Variants in SRGAP2 observed in about 807,000 individuals in gnomAD.
SRGAP2 encodes SLIT-ROBO Rho GTPase activating protein 2.
SRGAP2 carries 15 observed loss-of-function variants against 57.2 expected under a neutral mutation model. The observed-to-expected ratio is 0.26, with a 90% CI of 0.18 to 0.40. The LOEUF is 0.40. Among genes scored for constraint, SRGAP2 ranks in the 10% least tolerant of loss-of-function variants. The pLI, the probability that SRGAP2 is intolerant of heterozygous loss-of-function variation, is 1.00. For synonymous variants in SRGAP2, 249 were observed against 248.0 expected, an observed-to-expected ratio of 1.00 and a Z score of -0.04; for missense variants, 520 against 669.6, an observed-to-expected ratio of 0.78 and a Z score of 2.47.
intron 5 of SRGAP2, among the ~76,000 whole-genome samples, chr1:206,384,994 TC>T (rs1322123831): frequency 1.3e-5 from 2 of 148,992 alleles, no homozygotes; most frequent in Non-Finnish European, 3.0e-5. Flanking sequence ...TTTTTTCTTT[TC>T]TTTTCTTCCT....
chr1:206,278,880 G>T (rs1670568222), intron 2 of SRGAP2, among the ~76,000 whole-genome samples: 1 of 149,100 alleles, frequency 6.7e-6, no homozygotes, highest in Non-Finnish European at 1.5e-5. Context: ...CACTGTGGCT[G>T]AAGCAGAGTG....
At chr1:206,303,671 T>A (rs1358216947) in intron 3 of SRGAP2, among the ~76,000 whole-genome samples, 198 bp downstream of exon 3, 10 of 152,218 alleles carry the variant, frequency 6.6e-5, no homozygotes, top group Admixed American at 2.0e-4. Flanking sequence ...GAGTAGATGA[T>A]GAACCATGCT....
intron 10 of SRGAP2, among the ~76,000 whole-genome samples, chr1:206,409,611 G>A (rs1331566039): frequency 6.6e-6 from 1 of 151,974 alleles, no homozygotes; most frequent in Non-Finnish European, 1.5e-5. Flanking sequence ...GTGAAACCCT[G>A]TCTCTACTAA....
At chr1:206,398,784 G>A (rs1657865142) in intron 7 of SRGAP2, among the ~76,000 whole-genome samples, 1 of 152,232 alleles carries the variant, frequency 6.6e-6, no homozygotes, top group Non-Finnish European at 1.5e-5. Flanking sequence ...AGATTAGTGT[G>A]TTTCTAAGTA....
rs1291347041 is a variant in SRGAP2 at position 206,318,738 on chromosome 1, G to A, written c.260+15265G>A. Among the ~76,000 whole-genome samples the A allele has an allele frequency of 7.9e-5, 12 of 152,040 alleles. 1 individual carries two copies. The highest frequency in any genetic ancestry group is 2.9e-4 in the African/African-American group (12 of 41,342). ...CATGGTGAGAGTGGGAGTGAGAGTC[G>A]GGGGAGGTCCCAGACTTTTGAACAA... On this transcript the variant is annotated intron_variant, in intron 3 of 22. Transcript: ENST00000573034.
At chr1:206,455,237 G>A in intron 21 of SRGAP2, 1 of 598,750 alleles carries the variant, frequency 1.7e-6, no homozygotes, top group South Asian at 1.9e-5. Context: ...CCAGCTAGCT[G>A]CCCTCGTGCT....
At chr1:206,311,457 A>C (rs1279883810) in intron 3 of SRGAP2, among the ~76,000 whole-genome samples, 12 of 152,274 alleles carry the variant, frequency 7.9e-5, no homozygotes, top group Non-Finnish European at 1.6e-4. Flanking sequence ...TGATCCTTTA[A>C]GCTTAATACA....
At position 206,463,499 on chromosome 1, in the gene SRGAP2, C is replaced by G. The variant is rs1664387927; in HGVS notation, c.*2079C>G. ...GTACCCACACTTGCCCTTTCTCCCT[C>G]TCTCCAGCACACTCCCCTCTAAGAA... On this transcript the variant is annotated 3_prime_UTR_variant, in exon 23 of 23. Coordinates refer to ENST00000573034, the MANE Select transcript of SRGAP2 (RefSeq NM_015326.5). The G allele has an allele frequency of 6.5e-6, 1 of 152,674 alleles. No individual in the cohort carries two copies. The highest frequency in any genetic ancestry group is 1.5e-5 in the Non-Finnish European group (1 of 68,062). 9.5% of individuals were successfully genotyped at this position (152,674 alleles called of 1,614,324 possible).
intron 2 of SRGAP2, among the ~76,000 whole-genome samples, chr1:206,286,223 T>A (rs1339174881): frequency 2.0e-5 from 3 of 150,404 alleles, no homozygotes; most frequent in Non-Finnish European, 4.4e-5. Flanking sequence ...ACATTGTGAA[T>A]CCTTTTGTAG....
At chr1:206,419,907 G>C (rs1660145542) in intron 12 of SRGAP2, among the ~76,000 whole-genome samples, 1 of 151,850 alleles carries the variant, frequency 6.6e-6, no homozygotes, top group Non-Finnish European at 1.5e-5. Flanking sequence ...TCGCCAAAGA[G>C]TATTGGTAGA....
chr1:206,318,631 G>A (rs1352233137), intron 3 of SRGAP2, among the ~76,000 whole-genome samples: 5 of 152,330 alleles, frequency 3.3e-5, no homozygotes, highest in Middle Eastern at 3.4e-3. Context: ...CTGTACAGGA[G>A]GCATGGTGCT....
chr1:206,418,888 C>CTGTG (rs1159940831), intron 11 of SRGAP2, among the ~76,000 whole-genome samples: 7,183 of 136,332 alleles, frequency 0.053, 225 homozygotes, highest in Non-Finnish European at 0.081. Flanking sequence ...CCAACTCTCT[C>CTGTG]TGTGTGTGTG....
intron 14 of SRGAP2, among the ~76,000 whole-genome samples, chr1:206,433,240 A>G (rs1553368884): frequency 6.6e-6 from 1 of 152,214 alleles, no homozygotes; most frequent in Non-Finnish European, 1.5e-5. Flanking sequence ...GGATGGAAAA[A>G]ACGTGAAAAG....
intron 13 of SRGAP2, among the ~76,000 whole-genome samples, chr1:206,423,838 A>T (rs1660539654): frequency 6.6e-6 from 1 of 151,342 alleles, no homozygotes; most frequent in South Asian, 2.1e-4. Context: ...GCAGTGGCAC[A>T]ATCTTGGCTC....
chr1:206,397,123 C>T (rs1330917307), intron 7 of SRGAP2, among the ~76,000 whole-genome samples: 1 of 151,886 alleles, frequency 6.6e-6, no homozygotes, highest in Non-Finnish European at 1.5e-5. Context: ...AAGGCAACCA[C>T]TGTTATGATT....
At chr1:206,415,428 G>T (rs1218104231) in intron 10 of SRGAP2, among the ~76,000 whole-genome samples, 1 of 152,234 alleles carries the variant, frequency 6.6e-6, no homozygotes, top group Admixed American at 6.5e-5. Flanking sequence ...TCCTGGGCTT[G>T]CAGCTGAGGC....
At chr1:206,220,420 C>T (rs1225277153) in intron 2 of SRGAP2, among the ~76,000 whole-genome samples, 1 of 152,092 alleles carries the variant, frequency 6.6e-6, no homozygotes, top group Admixed American at 6.5e-5. Flanking sequence ...GCATGGGAAC[C>T]CCCTCCCCAC....
chr1:206,306,444 C>T (rs1308120445), intron 3 of SRGAP2, among the ~76,000 whole-genome samples: 4 of 152,138 alleles, frequency 2.6e-5, no homozygotes, highest in African/African-American at 4.8e-5. Flanking sequence ...CAGATCTTTG[C>T]GGTGAGTGTT....
intron 3 of SRGAP2, among the ~76,000 whole-genome samples, chr1:206,333,648 T>G (rs1326116756): frequency 6.6e-6 from 1 of 152,060 alleles, no homozygotes; most frequent in Non-Finnish European, 1.5e-5. Flanking sequence ...CACCTCAGCT[T>G]CCCGAGTAGC....
Sources: allele counts gnomAD v4.1 joint callset (sites outside exome capture counted in the v4.1 genomes callset), GRCh38; gene constraint gnomAD v4.1.1; transcripts MANE v1.5; gene names NCBI Gene and HGNC (gene_info 2026-07-23, HGNC 2026-07-21).